Variants in CAMK1D observed in about 807,000 individuals in gnomAD.
CAMK1D encodes the protein calcium/calmodulin-dependent protein kinase type 1D.
CAMK1D carries 9 observed loss-of-function variants against 47.7 expected under a neutral mutation model. That is an observed-to-expected ratio of 0.19 (90% confidence interval 0.11 to 0.33). The LOEUF is 0.33. Among genes scored for constraint, CAMK1D ranks in the 10% least tolerant of loss-of-function variants. CAMK1D has a pLI of 1.00. For missense variants in CAMK1D, 291 were observed against 488.7 expected (o/e 0.60, Z 3.81); for synonymous variants, 184 against 184.9 (o/e 0.99, Z 0.04).
intron 2 of CAMK1D, among the ~76,000 whole-genome samples, chr10:12,643,558 G>A (rs1839726267): frequency 6.6e-6 from 1 of 152,156 alleles, no homozygotes; most frequent in East Asian, 1.9e-4. Context: ...CTGCGCATGC[G>A]AGGGATCTAG....
At chr10:12,614,067 T>C in intron 2 of CAMK1D, among the ~76,000 whole-genome samples, 1 of 152,106 alleles carries the variant, frequency 6.6e-6, no homozygotes, top group East Asian at 1.9e-4. Flanking sequence ...CCAAGACAGG[T>C]AGGATAGGGT....
At chr10:12,813,925 A>G (rs1336141958) in intron 6 of CAMK1D, among the ~76,000 whole-genome samples, 1 of 147,068 alleles carries the variant, frequency 6.8e-6, no homozygotes, top group Non-Finnish European at 1.5e-5. Context: ...GGCACCAGCC[A>G]CCACACCATG....
intron 1 of CAMK1D, among the ~76,000 whole-genome samples, chr10:12,378,146 C>T (rs969873200): frequency 6.6e-6 from 1 of 152,240 alleles, no homozygotes. Flanking sequence ...GCCTCATGGG[C>T]GTTCACCCTG....
chr10:12,669,831 C>T (rs1387185629), intron 3 of CAMK1D, among the ~76,000 whole-genome samples: 1 of 152,072 alleles, frequency 6.6e-6, no homozygotes. Flanking sequence ...ATTATTTTGA[C>T]ATTCATCCAT....
At position 12,635,891 on chromosome 10, in the gene CAMK1D, T is replaced by G. The variant is rs1839500339; in HGVS notation, c.225-30845T>G. Reference sequence around the variant, plus strand: ...ACAATTCAGTACTTAAATTGCATATTTCAGTTATAAGAGACAATTCACTAG... The same window carrying G: ...ACAATTCAGTACTTAAATTGCATATGTCAGTTATAAGAGACAATTCACTAG... On this transcript the variant is annotated intron_variant, in intron 2 of 10. Coordinates refer to ENST00000619168, the MANE Select transcript of CAMK1D (RefSeq NM_153498.4). Among the ~76,000 whole-genome samples the G allele has an allele frequency of 2.0e-5, 3 of 152,352 alleles. No homozygotes were observed. In the South Asian group the frequency reaches 6.2e-4, roughly 32 times the overall value.
At chr10:12,671,117 A>G (rs1463788711) in intron 3 of CAMK1D, among the ~76,000 whole-genome samples, 1 of 152,228 alleles carries the variant, frequency 6.6e-6, no homozygotes, top group Non-Finnish European at 1.5e-5. Context: ...TCCATATTGT[A>G]TCATGTATCA....
At chr10:12,737,685 T>C (rs1835248352) in intron 3 of CAMK1D, among the ~76,000 whole-genome samples, 1 of 152,224 alleles carries the variant, frequency 6.6e-6, no homozygotes. Flanking sequence ...TTCATTTGTA[T>C]CGTTGAAAAT....
intron 3 of CAMK1D, among the ~76,000 whole-genome samples, chr10:12,715,345 G>A (rs908027558): frequency 3.9e-5 from 6 of 152,152 alleles, no homozygotes; most frequent in Admixed American, 1.3e-4. Context: ...CTTCTCAAAT[G>A]CATGACTACT....
intron 2 of CAMK1D, among the ~76,000 whole-genome samples, chr10:12,594,845 C>G (rs780220850): frequency 3.9e-5 from 6 of 152,110 alleles, no homozygotes; most frequent in Non-Finnish European, 8.8e-5. Context: ...AAGTGGTTGA[C>G]GTAGGTGGGG....
chr10:12,602,265 A>T (rs1379774235), intron 2 of CAMK1D, among the ~76,000 whole-genome samples: 1 of 152,158 alleles, frequency 6.6e-6, no homozygotes, highest in Admixed American at 6.5e-5. Context: ...GGGTCTCACT[A>T]TATTGCCCAG....
chr10:12,459,179 A>G (rs1264224918), intron 1 of CAMK1D, among the ~76,000 whole-genome samples: 1 of 152,178 alleles, frequency 6.6e-6, no homozygotes, highest in Non-Finnish European at 1.5e-5. Context: ...GTGCCGGGCC[A>G]GGATTATATT....
chr10:12,777,037 G>A (rs1392329352), intron 5 of CAMK1D, among the ~76,000 whole-genome samples: 1 of 152,192 alleles, frequency 6.6e-6, no homozygotes, highest in African/African-American at 2.4e-5. Flanking sequence ...CAAATTTGCA[G>A]ATAGAGAATC....
chr10:12,546,905 A>T (rs1161329708), intron 1 of CAMK1D, among the ~76,000 whole-genome samples: 1 of 152,066 alleles, frequency 6.6e-6, no homozygotes, highest in Non-Finnish European at 1.5e-5. Context: ...ACATGTATAG[A>T]TATGTAACAA....
At chr10:12,583,800 C>T (rs770607138) in intron 2 of CAMK1D, among the ~76,000 whole-genome samples, 2 of 151,894 alleles carry the variant, frequency 1.3e-5, no homozygotes, top group Non-Finnish European at 2.9e-5. Flanking sequence ...GGGGTTTCAC[C>T]ACGTTGGCCA....
At chr10:12,479,658 C>T (rs1321262930) in intron 1 of CAMK1D, among the ~76,000 whole-genome samples, 2 of 152,152 alleles carry the variant, frequency 1.3e-5, no homozygotes, top group Non-Finnish European at 2.9e-5. Flanking sequence ...GTGCTCTGGC[C>T]TTTAGAGTAT....
rs909218966 is a variant in CAMK1D at position 12,684,477 on chromosome 10, C to T, written c.299+17667C>T. On this transcript the variant is annotated intron_variant, in intron 3 of 10. Transcript: ENST00000619168. ...GTTATAAGCCCTTGGTTAGGCTCCT[C>T]AAAGAAGATAACTAATTTAAAAAAA... Among the ~76,000 whole-genome samples, 3 of 151,736 alleles carry T rather than the reference C, an allele frequency of 2.0e-5. No individual in the cohort carries two copies. In the South Asian group the frequency reaches 6.2e-4, roughly 32 times the overall value.
intron 2 of CAMK1D, among the ~76,000 whole-genome samples, chr10:12,607,648 G>A (rs573918117): frequency 2.6e-5 from 4 of 152,280 alleles, no homozygotes; most frequent in South Asian, 2.1e-4. Flanking sequence ...ACCCAGATGC[G>A]AAGATGCTTT....
intron 1 of CAMK1D, among the ~76,000 whole-genome samples, chr10:12,437,739 G>A (rs954713261): frequency 6.6e-6 from 1 of 152,162 alleles, no homozygotes; most frequent in Non-Finnish European, 1.5e-5. Flanking sequence ...TGGACAAATA[G>A]CTAATGACAT....
At chr10:12,630,543 A>ATTTAC (rs1298683632) in intron 2 of CAMK1D, among the ~76,000 whole-genome samples, 7 of 151,822 alleles carry the variant, frequency 4.6e-5, no homozygotes, top group African/African-American at 1.7e-4. Context: ...CACCTAGCTA[A>ATTTAC]TTTATTTTAT....
Sources: allele counts gnomAD v4.1 joint callset (sites outside exome capture counted in the v4.1 genomes callset), GRCh38; gene constraint gnomAD v4.1.1; transcripts MANE v1.5; gene names NCBI Gene and HGNC (gene_info 2026-07-23, HGNC 2026-07-21).